The following KIAA0319 variants were observed in gnomAD, a reference collection of about 807,000 sequenced individuals.
KIAA0319 encodes KIAA0319.
In KIAA0319, 83 loss-of-function variants were observed where a neutral mutation model predicts 108.4. The observed-to-expected ratio is 0.77, with a 90% confidence interval of 0.64 to 0.92. The LOEUF (loss-of-function observed/expected upper bound fraction) is 0.92. KIAA0319 is among the 40% of genes least tolerant of loss of function. The probability of loss-of-function intolerance (pLI) is 0.00; values close to 1 mark genes in which losing one functional copy is unlikely to be tolerated. For missense variants in KIAA0319, 1,195 were observed against 1,322.4 expected, an observed-to-expected ratio of 0.90 and a Z score of 1.49; for synonymous variants, 484 against 510.4, an observed-to-expected ratio of 0.95 and a Z score of 0.70.
intron 1 of KIAA0319, among the ~76,000 whole-genome samples, chr6:24,613,416 C>CTT (rs1313272805): frequency 3.3e-5 from 5 of 151,976 alleles, no homozygotes; most frequent in African/African-American, 1.2e-4. Flanking sequence ...TCTGGCAACT[C>CTT]TAACTATGAG....
intron 8 of KIAA0319, among the ~76,000 whole-genome samples, chr6:24,579,332 G>A (rs1274666263): frequency 6.6e-6 from 1 of 150,748 alleles, no homozygotes; most frequent in East Asian, 1.9e-4. Flanking sequence ...TCCCTTCTAA[G>A]AGTTCTTAAA....
chr6:24,573,578 G>C (rs1765038018), intron 10 of KIAA0319, among the ~76,000 whole-genome samples: 1 of 152,148 alleles, frequency 6.6e-6, no homozygotes, highest in Non-Finnish European at 1.5e-5. Context: ...AAAGAAATTT[G>C]TGGAACAATG....
chr6:24,625,872 G>A (rs1321092785), intron 1 of KIAA0319, among the ~76,000 whole-genome samples: 2 of 152,158 alleles, frequency 1.3e-5, no homozygotes, highest in Non-Finnish European at 2.9e-5. Context: ...AGAAGTATAA[G>A]TCTTGTACAG....
intron 1 of KIAA0319, among the ~76,000 whole-genome samples, chr6:24,626,929 G>T (rs1389015847): frequency 1.3e-5 from 2 of 152,092 alleles, no homozygotes; most frequent in East Asian, 3.9e-4. Flanking sequence ...AGGTAATAAG[G>T]TTATTTACAG....
At chr6:24,614,096 A>AGCGTTTGGGGTATC (rs1772790598) in intron 1 of KIAA0319, among the ~76,000 whole-genome samples, 1 of 152,180 alleles carries the variant, frequency 6.6e-6, no homozygotes, top group Non-Finnish European at 1.5e-5. Flanking sequence ...GTCAACTAAA[A>AGCGTTTGGGGTATC]ACAACCCCAA....
At chr6:24,564,148 C>CA in intron 15 of KIAA0319, 54 bp downstream of exon 15, 4 of 1,610,140 alleles carry the variant, frequency 2.5e-6, no homozygotes, top group Non-Finnish European at 2.5e-6. Flanking sequence ...GTAAAGACCC[C>CA]AAAGGCTGAC....
chr6:24,642,271 GGAGA>G (rs776130220), intron 1 of KIAA0319, among the ~76,000 whole-genome samples: 5 of 150,152 alleles, frequency 3.3e-5, no homozygotes, highest in African/African-American at 1.2e-4. Flanking sequence ...AAGGAAGGAA[GGAGA>G]GAGAGAAAGA....
At chr6:24,603,580 G>C (rs1394859880) in intron 1 of KIAA0319, among the ~76,000 whole-genome samples, 2 of 152,108 alleles carry the variant, frequency 1.3e-5, no homozygotes, top group African/African-American at 2.4e-5. Context: ...AACCTTATAG[G>C]AGGACAACAC....
chr6:24,601,289 T>C, intron 1 of KIAA0319, 81 bp from the exon 2 acceptor site: 4 of 1,406,410 alleles, frequency 2.8e-6, no homozygotes, highest in Non-Finnish European at 3.7e-6. Flanking sequence ...CTATCATTCA[T>C]TCATGTCAGT....
chr6:24,565,504 C>T (rs1258898351), intron 14 of KIAA0319, among the ~76,000 whole-genome samples: 1 of 151,928 alleles, frequency 6.6e-6, no homozygotes, highest in Non-Finnish European at 1.5e-5. Flanking sequence ...CCTGTAATCC[C>T]AGTACTTTGG....
chr6:24,620,275 A>T (rs1302098794), intron 1 of KIAA0319, among the ~76,000 whole-genome samples: 1 of 152,112 alleles, frequency 6.6e-6, no homozygotes, highest in Admixed American at 6.5e-5. Flanking sequence ...TTTATATATA[A>T]AAAAAGGAAA....
chr6:24,619,010 A>G (rs1211921132), intron 1 of KIAA0319, among the ~76,000 whole-genome samples: 1 of 152,172 alleles, frequency 6.6e-6, no homozygotes, highest in East Asian at 1.9e-4. Flanking sequence ...CTGAGAGGAA[A>G]GAGTTCCCAG....
At chr6:24,616,426 C>T (rs1016823924) in intron 1 of KIAA0319, among the ~76,000 whole-genome samples, 5 of 152,194 alleles carry the variant, frequency 3.3e-5, no homozygotes, top group African/African-American at 1.2e-4. Context: ...GGCGCCATCT[C>T]GGCTCACTGA....
intron 1 of KIAA0319, among the ~76,000 whole-genome samples, chr6:24,637,530 A>C (rs573134112): frequency 6.6e-6 from 1 of 152,340 alleles, no homozygotes; most frequent in South Asian, 2.1e-4. Context: ...GTAAATTTCT[A>C]GGACCCTCAG....
At chr6:24,571,187 G>A (rs1010976009) in intron 11 of KIAA0319, among the ~76,000 whole-genome samples, 1 of 149,060 alleles carries the variant, frequency 6.7e-6, no homozygotes, top group African/African-American at 2.5e-5. Context: ...GTGAGACTCT[G>A]TCTCGAGGGA....
At chr6:24,551,879 C>T (rs921529510) in intron 19 of KIAA0319, among the ~76,000 whole-genome samples, 1 of 152,196 alleles carries the variant, frequency 6.6e-6, no homozygotes, top group Non-Finnish European at 1.5e-5. Context: ...AAATGTTCCC[C>T]TGAACCTGTA....
intron 16 of KIAA0319, among the ~76,000 whole-genome samples, chr6:24,560,933 G>A (rs7758607): frequency 0.044 from 6,648 of 152,200 alleles, 419 homozygotes; most frequent in African/African-American, 0.14. Context: ...TTCAACCCAC[G>A]GCAAGTGTTT....
At chr6:24,547,482 G>T in intron 20 of KIAA0319, 139 bp from the exon 21 acceptor site, 2 of 697,152 alleles carry the variant, frequency 2.9e-6, no homozygotes, top group Non-Finnish European at 2.4e-6. Flanking sequence ...AACAGCAGGC[G>T]GTTTGGGTTT....
At chr6:24,598,136 G>A in intron 2 of KIAA0319, 1 of 431,878 alleles carries the variant, frequency 2.3e-6, no homozygotes, top group South Asian at 2.0e-5. Flanking sequence ...TCTCGAGTGG[G>A]CAGCAGCAGC....
Sources: allele counts gnomAD v4.1 joint callset (sites outside exome capture counted in the v4.1 genomes callset), GRCh38; gene constraint gnomAD v4.1.1; transcripts MANE v1.5; gene names NCBI Gene and HGNC (gene_info 2026-07-23, HGNC 2026-07-21).